The following TRDN variants were observed in gnomAD, a reference collection of about 807,000 sequenced individuals.
TRDN encodes triadin.
Under a neutral mutation model 149.7 loss-of-function variants are expected in TRDN, and 161 were observed. That is an observed-to-expected ratio of 1.08 (90% confidence interval 0.95 to 1.23). The LOEUF (loss-of-function observed/expected upper bound fraction) is 1.23. Ranked by LOEUF, TRDN falls within the 50% of genes most tolerant of loss-of-function variation. TRDN has a pLI of 0.00. For missense variants in TRDN, 896 were observed against 823.5 expected (o/e 1.09, Z -1.08); for synonymous variants, 294 against 250.5 (o/e 1.17, Z -1.64).
intron 1 of TRDN, among the ~76,000 whole-genome samples, chr6:123,582,105 A>G (rs1783148452): frequency 6.6e-6 from 1 of 152,200 alleles, no homozygotes; most frequent in Non-Finnish European, 1.5e-5. Flanking sequence ...CAAAAGTTAC[A>G]GGCAAAACCA....
At chr6:123,433,162 A>T (rs557885188) in intron 12 of TRDN, among the ~76,000 whole-genome samples, 43 of 80,038 alleles carry the variant, frequency 5.4e-4, no homozygotes, top group African/African-American at 1.7e-3. Flanking sequence ...ATATATATAT[A>T]ATATATATAT....
At chr6:123,550,164 T>C (rs2114444850) in intron 2 of TRDN, among the ~76,000 whole-genome samples, 1 of 152,054 alleles carries the variant, frequency 6.6e-6, no homozygotes, top group African/African-American at 2.4e-5. Context: ...GCCATAACAA[T>C]GAGTGAGATC....
intron 40 of TRDN, 72 bp from the exon 41 acceptor site, chr6:123,218,812 G>A: frequency 1.4e-6 from 2 of 1,457,108 alleles, no homozygotes; most frequent in East Asian, 5.0e-5. Context: ...AGGCAGTGCA[G>A]TGCAGCAGAT....
chr6:123,278,063 T>G (rs1205747137), intron 26 of TRDN, among the ~76,000 whole-genome samples: 1 of 152,170 alleles, frequency 6.6e-6, no homozygotes, highest in East Asian at 1.9e-4. Flanking sequence ...ATCTTGGTTT[T>G]GTGGGAATCA....
chr6:123,583,451 T>C (rs1169979086), intron 1 of TRDN, among the ~76,000 whole-genome samples: 3 of 152,098 alleles, frequency 2.0e-5, no homozygotes, highest in African/African-American at 7.2e-5. Context: ...CATAAAAGTA[T>C]TATCCAGTCC....
intron 35 of TRDN, 68 bp downstream of exon 35, chr6:123,259,556 A>C (rs930348034): frequency 2.0e-6 from 2 of 1,013,052 alleles, no homozygotes; most frequent in Non-Finnish European, 2.9e-6. Flanking sequence ...TAATTTGTAT[A>C]AATTTGTTTT....
intron 10 of TRDN, among the ~76,000 whole-genome samples, chr6:123,458,740 A>G (rs1454296958): frequency 1.3e-5 from 2 of 152,152 alleles, no homozygotes; most frequent in Non-Finnish European, 1.5e-5. Context: ...ACAGCCTCAG[A>G]TTCATGGCTG....
chr6:123,511,719 C>G (rs1562356288), intron 7 of TRDN, among the ~76,000 whole-genome samples: 1 of 152,036 alleles, frequency 6.6e-6, no homozygotes, highest in Non-Finnish European at 1.5e-5. Flanking sequence ...GCTTAGGGCC[C>G]ACGAGGCTGA....
At position 123,257,813 on chromosome 6, in the gene TRDN, G is replaced by C. The variant is rs374872103; in HGVS notation, c.1870+1811C>G. 1.4e-3 allele frequency among the ~76,000 whole-genome samples: 208 copies of C among 152,236 alleles called. 2 individuals carry two copies. Among genetic ancestry groups the C allele is most frequent in the African/African-American group, 4.8e-3 (199 of 41,546 alleles). ...TTTGTGTCCTCTTTTATTTCCTTGA[G>C]CAGTGGTTTGTAGTTTTCATTGAAG... On this transcript the variant is annotated intron_variant, in intron 35 of 40. Transcript: ENST00000334268.
chr6:123,473,441 A>G (rs1270907242), intron 9 of TRDN, among the ~76,000 whole-genome samples: 1 of 151,854 alleles, frequency 6.6e-6, no homozygotes, highest in East Asian at 1.9e-4. Context: ...ATATGGGACT[A>G]TGTGAAAAGA....
At chr6:123,280,109 C>T (rs1222680699) in intron 24 of TRDN, among the ~76,000 whole-genome samples, 4 of 152,066 alleles carry the variant, frequency 2.6e-5, no homozygotes, top group Non-Finnish European at 5.9e-5. Context: ...AGTTGCCTAG[C>T]AAATCACGGA....
At position 123,366,180 on chromosome 6, in the gene TRDN, T is replaced by G. The variant is rs1040336692; in HGVS notation, c.1276A>C (p.Thr426Pro). 46 of 1,612,870 alleles carry G rather than the reference T, an allele frequency of 2.9e-5. No homozygotes were observed. The highest frequency in any genetic ancestry group is 3.6e-5 in the Non-Finnish European group (42 of 1,179,254). ...CCAATCTCCTCTTTGGCTCGTTCAG[T>G]TTCTGCAAGTTCAGATATTAAAGGA... is the stretch of plus-strand genomic sequence containing the variant. ...VPSDKQVKAKTERAKEEIGAV... is the reference protein window; with the variant it reads ...VPSDKQVKAKPERAKEEIGAV... The change falls in exon 20 of 41, where the codon ACT (threonine) becomes CCT (proline). Residue 426 changes from threonine to proline, a missense_variant and splice_region_variant. Coordinates refer to ENST00000334268, the MANE Select transcript of TRDN (RefSeq NM_006073.4).
At chr6:123,274,731 A>G in intron 26 of TRDN, 61 bp from the exon 27 acceptor site, 2 of 1,425,344 alleles carry the variant, frequency 1.4e-6, no homozygotes, top group Non-Finnish European at 1.9e-6. Flanking sequence ...ATGAAAATTA[A>G]TTTTTAGAAA....
intron 13 of TRDN, among the ~76,000 whole-genome samples, chr6:123,389,644 G>T (rs1782034229): frequency 6.6e-6 from 1 of 152,050 alleles, no homozygotes; most frequent in Non-Finnish European, 1.5e-5. Flanking sequence ...TTTACCACAG[G>T]TTATTTTTCT....
intron 21 of TRDN, among the ~76,000 whole-genome samples, chr6:123,345,437 TATC>T (rs961008423): frequency 2.0e-5 from 3 of 152,052 alleles, no homozygotes; most frequent in Admixed American, 6.6e-5. Flanking sequence ...CTTTCACTAA[TATC>T]ATACTGTCCT....
chr6:123,247,894 A>G (rs1776241457), intron 38 of TRDN, among the ~76,000 whole-genome samples: 1 of 152,188 alleles, frequency 6.6e-6, no homozygotes, highest in Non-Finnish European at 1.5e-5. Context: ...CTGGTACCAA[A>G]ACAGATATAT....
intron 5 of TRDN, among the ~76,000 whole-genome samples, chr6:123,530,113 A>G (rs1343979866): frequency 1.3e-5 from 2 of 151,968 alleles, no homozygotes; most frequent in African/African-American, 2.4e-5. Context: ...TTTCTACACC[A>G]AAGATTGTAA....
At chr6:123,285,855 T>G (rs949532781) in intron 24 of TRDN, among the ~76,000 whole-genome samples, 7 of 151,818 alleles carry the variant, frequency 4.6e-5, no homozygotes, top group African/African-American at 1.7e-4. Context: ...CATCAAAAAG[T>G]GGGCTAAGGA....
rs1016541916 is a variant in TRDN at position 123,503,363 on chromosome 6, C to T, written c.793+356G>A. On this transcript the variant is annotated intron_variant, in intron 8 of 40. Coordinates refer to ENST00000334268, the MANE Select transcript of TRDN (RefSeq NM_006073.4). ...GAATTGCTGTCATTTTGGGGGACCA[C>T]TTTCCTCCAAAGAGTATGACACATA... 1.9e-5 allele frequency: 19 copies of T among 985,196 alleles called. No individual in the cohort carries two copies. In the African/African-American group the frequency reaches 2.8e-4, roughly 14 times the overall value. 61.0% of individuals were successfully genotyped at this position (985,196 alleles called of 1,614,324 possible). A position where few individuals can be genotyped will look rare whatever the true frequency, so the allele number is the denominator to read the frequency against.
Sources: gnomAD v4.1 joint callset for allele counts (sites outside exome capture counted in the v4.1 genomes callset) on GRCh38, gnomAD v4.1.1 for gene constraint, MANE v1.5 for transcripts, NCBI Gene and HGNC (gene_info 2026-07-23, HGNC 2026-07-21) for gene names.